The following LTBP1 variants were observed in gnomAD, a reference collection of about 807,000 sequenced individuals.
LTBP1 encodes the protein latent-transforming growth factor beta-binding protein 1.
Under a neutral mutation model 207.6 loss-of-function variants are expected in LTBP1, and 129 were observed. The ratio of observed to expected loss-of-function variants is 0.62; its 90% CI spans 0.54 to 0.72. LTBP1 has a LOEUF of 0.72. Ranked by LOEUF, LTBP1 falls within the 30% of genes least tolerant of loss-of-function variation. The pLI is 0.00. For missense variants in LTBP1, 2,281 were observed against 2,217.2 expected (o/e 1.03, Z -0.58); for synonymous variants, 963 against 833.7 (o/e 1.16, Z -2.67).
chr2:33,148,248 G>A (rs1264384762), intron 5 of LTBP1, among the ~76,000 whole-genome samples: 1 of 152,142 alleles, frequency 6.6e-6, no homozygotes, highest in African/African-American at 2.4e-5. Flanking sequence ...CGATATTTGA[G>A]GATACCATCT....
chr2:33,339,257 G>A (rs960427320), intron 24 of LTBP1, among the ~76,000 whole-genome samples: 5 of 152,068 alleles, frequency 3.3e-5, no homozygotes, highest in Non-Finnish European at 7.4e-5. Context: ...TAATAAATTC[G>A]TTTATTATGA....
intron 7 of LTBP1, among the ~76,000 whole-genome samples, chr2:33,217,014 T>C (rs370133995): frequency 6.6e-6 from 1 of 152,192 alleles, no homozygotes; most frequent in East Asian, 1.9e-4. Flanking sequence ...CCTTCGTCTC[T>C]GCTAGAGCTG....
chr2:33,034,196 AG>A (rs1427458846), intron 3 of LTBP1, among the ~76,000 whole-genome samples: 5 of 151,688 alleles, frequency 3.3e-5, no homozygotes, highest in African/African-American at 1.2e-4. Context: ...CAGAGTTAGA[AG>A]AAAGAGACGA....
chr2:32,963,427 T>C (rs1178532942), intron 2 of LTBP1, among the ~76,000 whole-genome samples: 1 of 151,742 alleles, frequency 6.6e-6, no homozygotes, highest in South Asian at 2.1e-4. Context: ...CCCAGGCTGG[T>C]CTTGAACTCC....
At chr2:33,073,045 A>C (rs1481028065) in intron 3 of LTBP1, among the ~76,000 whole-genome samples, 1 of 152,216 alleles carries the variant, frequency 6.6e-6, no homozygotes, top group African/African-American at 2.4e-5. Flanking sequence ...ACCACTGAAC[A>C]TGGTGTTTCG....
At chr2:33,267,977 A>G (rs1308445620) in intron 15 of LTBP1, among the ~76,000 whole-genome samples, 1 of 152,256 alleles carries the variant, frequency 6.6e-6, no homozygotes, top group Non-Finnish European at 1.5e-5. Context: ...TGTTTGAAGC[A>G]TGAATATATC....
At chr2:33,243,875 G>T (rs2092421788) in intron 10 of LTBP1, 91 bp downstream of exon 10, 2 of 1,405,182 alleles carry the variant, frequency 1.4e-6, no homozygotes, top group East Asian at 4.6e-5. Flanking sequence ...CCAACTGAAT[G>T]CTTGTAAATA....
In LTBP1 at chr2:33,092,885, A is replaced by G. The variant is rs2079180558; in HGVS notation, c.864-17697A>G. Among the ~76,000 whole-genome samples, 3 of 152,156 alleles carry G rather than the reference A, an allele frequency of 2.0e-5. 1 individual carries two copies. The South Asian group carries it at 6.2e-4, about 32-fold the overall frequency. On this transcript the variant is annotated intron_variant, in intron 3 of 33. Coordinates refer to ENST00000404816, the MANE Select transcript of LTBP1 (RefSeq NM_206943.4). ...AACCTACCTGGACCTATTTTCTGCT[A>G]GTATATTTTGTTCTTTATTATACAA...
chr2:32,950,495 G>A (rs1362589882), intron 2 of LTBP1, among the ~76,000 whole-genome samples: 1 of 151,114 alleles, frequency 6.6e-6, no homozygotes, highest in Non-Finnish European at 1.5e-5. Context: ...GGAGGTGAAG[G>A]TTGCAGTGAG....
chr2:33,055,697 G>A (rs2076962127), intron 3 of LTBP1, among the ~76,000 whole-genome samples: 1 of 152,188 alleles, frequency 6.6e-6, no homozygotes, highest in African/African-American at 2.4e-5. Flanking sequence ...AGACCCTGTA[G>A]GACATCTATG....
chr2:33,229,359 C>T (rs2091653396), intron 9 of LTBP1, among the ~76,000 whole-genome samples: 1 of 151,712 alleles, frequency 6.6e-6, no homozygotes, highest in Admixed American at 6.6e-5. Context: ...CCTGTAATCC[C>T]AGCTACTGAG....
chr2:33,186,973 C>T lies in LTBP1; in HGVS notation c.1319C>T (p.Pro440Leu). 1 of 1,614,196 alleles carries T rather than the reference C, an allele frequency of 6.2e-7. No homozygotes were observed. The highest frequency in any genetic ancestry group is 1.3e-5 in the African/African-American group (1 of 75,044). The change falls in exon 6 of 34, where the codon CCT (proline) becomes CTT (leucine). Residue 440 changes from proline to leucine, a missense_variant. Pro to Leu is a moderately conservative substitution (Grantham distance 98). This residue lies in a region of LTBP1 where 1,671 missense variants were observed against 1,634.8 expected (regional missense o/e 1.02). Coordinates refer to ENST00000404816, the MANE Select transcript of LTBP1 (RefSeq NM_206943.4). The part of the protein sequence containing the change: ...CQIPVHGASV[P>L]KLYQHSQQPG... ...ATCCCAGTCCATGGTGCCAGCGTGC[C>T]TAAACTTTATCAGCATTCCCAGCAG... is the stretch of plus-strand genomic sequence containing the variant.
chr2:33,149,027 A>G (rs1572860680), intron 5 of LTBP1, among the ~76,000 whole-genome samples: 1 of 152,000 alleles, frequency 6.6e-6, no homozygotes, highest in Non-Finnish European at 1.5e-5. Flanking sequence ...ATTCTGGCTA[A>G]CACAGTGAAA....
chr2:33,086,677 G>A (rs913825040), intron 3 of LTBP1, among the ~76,000 whole-genome samples: 5 of 152,142 alleles, frequency 3.3e-5, no homozygotes, highest in African/African-American at 1.2e-4. Flanking sequence ...GCTTAGTGAT[G>A]TAATCCTTTA....
intron 5 of LTBP1, among the ~76,000 whole-genome samples, chr2:33,166,165 A>G (rs1302664290): frequency 1.3e-5 from 2 of 151,900 alleles, no homozygotes; most frequent in Non-Finnish European, 2.9e-5. Context: ...TAAGAATTAG[A>G]TAAGTGATTG....
At chr2:33,250,815 A>G (rs1430823770) in intron 10 of LTBP1, among the ~76,000 whole-genome samples, 2 of 151,972 alleles carry the variant, frequency 1.3e-5, no homozygotes, top group African/African-American at 4.8e-5. Context: ...GGCCCACCCA[A>G]CGTACCACTA....
At position 33,312,682 on chromosome 2, in the gene LTBP1, G is replaced by GAA. The variant is rs149670612; in HGVS notation, c.3605-2452_3605-2451dup. On this transcript the variant is annotated intron_variant, in intron 23 of 33. Coordinates refer to ENST00000404816, the MANE Select transcript of LTBP1 (RefSeq NM_206943.4). ...GTTGTTCTTTCTTAGCAGTTTCCTG[G>GAA]AAAAAAAAAAAGTCTAGGAATTCAT... Among the ~76,000 whole-genome samples, 337 of 144,004 alleles carry GAA rather than the reference G, an allele frequency of 2.3e-3. 1 individual carries two copies. Among genetic ancestry groups the GAA allele is most frequent in the African/African-American group, 7.5e-3 (298 of 39,678 alleles). The allele number at this position is 144,004 out of a possible 152,430, so 94.5% of individuals were successfully genotyped here.
chr2:33,113,567 A>G (rs937121965), intron 4 of LTBP1, among the ~76,000 whole-genome samples: 1 of 152,190 alleles, frequency 6.6e-6, no homozygotes, highest in Non-Finnish European at 1.5e-5. Context: ...TTTTGATAAT[A>G]CAATTCACCA....
intron 2 of LTBP1, among the ~76,000 whole-genome samples, chr2:33,005,897 T>G (rs1346972457): frequency 4.7e-5 from 7 of 148,918 alleles, no homozygotes; most frequent in Non-Finnish European, 1.0e-4. Context: ...GGCTCTGCCT[T>G]TTGATGGGAG....
Sources: gnomAD v4.1 joint callset for allele counts (sites outside exome capture counted in the v4.1 genomes callset) on GRCh38, gnomAD v4.1.1 for gene constraint, gnomAD v4.1.1 regional missense constraint, MANE v1.5 for transcripts, NCBI Gene and HGNC (gene_info 2026-07-23, HGNC 2026-07-21) for gene names.